The following RAPH1 variants were observed in gnomAD, a reference collection of about 807,000 sequenced individuals.
RAPH1 encodes ras-associated and pleckstrin homology domains-containing protein 1.
RAPH1 carries 18 observed loss-of-function variants against 88.1 expected under a neutral mutation model. The observed-to-expected ratio is 0.20, with a 90% confidence interval of 0.14 to 0.30. RAPH1 has a LOEUF of 0.30. Ranked by LOEUF, RAPH1 falls within the 10% of genes least tolerant of loss-of-function variation. RAPH1 has a pLI of 1.00. For missense variants in RAPH1, 1,448 were observed against 1,543.2 expected (o/e 0.94, Z 1.03); for synonymous variants, 587 against 559.0 (o/e 1.05, Z -0.71).
At chr2:203,465,205 C>A (rs981357840) in intron 4 of RAPH1, among the ~76,000 whole-genome samples, 1 of 152,196 alleles carries the variant, frequency 6.6e-6, no homozygotes, top group African/African-American at 2.4e-5. Context: ...ATGTTTATAG[C>A]AACCTTATTC....
chr2:203,464,684 G>A lies in RAPH1; in HGVS notation c.733-2759C>T, dbSNP rs1045838721. On this transcript the variant is annotated intron_variant, in intron 4 of 13. Coordinates refer to ENST00000319170, the MANE Select transcript of RAPH1 (RefSeq NM_213589.3). Reference sequence around the variant, plus strand: ...GCTGAACATATTTCTGAGAAAAAAGGAATATTCAAGAGAATGAGAAGACAA... The same window carrying A: ...GCTGAACATATTTCTGAGAAAAAAGAAATATTCAAGAGAATGAGAAGACAA... Among the ~76,000 whole-genome samples, 9 of 152,052 alleles carry A rather than the reference G, an allele frequency of 5.9e-5. No homozygotes were observed. The South Asian group carries it at 1.9e-3, about 31-fold the overall frequency.
intron 1 of RAPH1, among the ~76,000 whole-genome samples, chr2:203,526,648 C>T (rs553665911): frequency 1.7e-4 from 25 of 147,184 alleles, no homozygotes; most frequent in Non-Finnish European, 3.0e-4. Context: ...TCACTTGAAC[C>T]CAGAAGGCAG....
Position 203,440,843 on chromosome 2 carries a change from C to G in RAPH1, c.2347G>C (p.Val783Leu). The G allele has an allele frequency of 8.6e-7, 1 of 1,164,882 alleles. No individual in the cohort carries two copies. The highest frequency in any genetic ancestry group is 1.1e-6 in the Non-Finnish European group (1 of 873,004). The allele number at this position is 1,164,882 out of a possible 1,614,324, so 72.2% of individuals were successfully genotyped here. A position where few individuals can be genotyped will look rare whatever the true frequency, so the allele number is the denominator to read the frequency against. ...LPPQAPPKPL[V>L]TIPAPTSTKT... is the part of the protein sequence containing the mutation. ...GTGCTGGTTGGTGCGGGGATGGTCA[C>G]AAGGGGTTTTGGGGGAGCTTGGGGA... The change falls in exon 14 of 14, where the codon GTG (valine) becomes CTG (leucine). Residue 783 changes from valine (V) to leucine (L), a missense_variant. Val to Leu is a conservative substitution (Grantham distance 32). This residue lies in a region of RAPH1 where 935 missense variants were observed against 890.1 expected (regional missense o/e 1.05). Coordinates refer to ENST00000319170, the MANE Select transcript of RAPH1 (RefSeq NM_213589.3).
At chr2:203,501,863 T>G (rs1688753561) in intron 1 of RAPH1, among the ~76,000 whole-genome samples, 1 of 149,042 alleles carries the variant, frequency 6.7e-6, no homozygotes, top group South Asian at 2.1e-4. Flanking sequence ...ATTCTGTAAC[T>G]TCAAAGAACA....
At chr2:203,477,555 G>GCTTCCCT (rs1484409031) in intron 4 of RAPH1, among the ~76,000 whole-genome samples, 2 of 152,020 alleles carry the variant, frequency 1.3e-5, no homozygotes, top group African/African-American at 4.8e-5. Context: ...CAAGCTTCTA[G>GCTTCCCT]CTTCCCTCTT....
chr2:203,478,597 T>C lies in RAPH1; in HGVS notation c.732+10987A>G, dbSNP rs998005955. ...CTCTGCCTTCCAGGTTCAAGCAATT[T>C]TCCTGCCTCAGCCTCCTGAGTAGCT... On this transcript the variant is annotated intron_variant, in intron 4 of 13. Coordinates refer to ENST00000319170, the MANE Select transcript of RAPH1 (RefSeq NM_213589.3). Among the ~76,000 whole-genome samples, 3 of 151,664 alleles carry C rather than the reference T, an allele frequency of 2.0e-5. No individual in the cohort carries two copies. In the East Asian group the frequency reaches 5.8e-4, roughly 29 times the overall value.
At chr2:203,467,619 A>T (rs1442004224) in intron 4 of RAPH1, among the ~76,000 whole-genome samples, 7 of 152,012 alleles carry the variant, frequency 4.6e-5, no homozygotes, top group Admixed American at 2.0e-4. Flanking sequence ...TAAAAATTTT[A>T]AAAATTCGCT....
chr2:203,440,865 G>A lies in RAPH1; in HGVS notation c.2325C>T (p.Pro775=). ...TCACAAGGGGTTTTGGGGGAGCTTG[G>A]GGAGGGAGGGGTGCAGGGATAGGAG... is the stretch of plus-strand genomic sequence containing the variant. The part of the protein sequence containing the change: ...PPPPIPAPLP[P]QAPPKPLVTI... The change falls in exon 14 of 14, where the codon CCC becomes CCT. Residue 775 remains proline, a synonymous_variant. Transcript: ENST00000319170. 6.6e-7 allele frequency: 1 copy of A among 1,504,052 alleles called. No homozygotes were observed. The highest frequency in any genetic ancestry group is 9.1e-7 in the Non-Finnish European group (1 of 1,104,792). 93.2% of individuals were successfully genotyped at this position (1,504,052 alleles called of 1,614,324 possible).
In RAPH1 at chr2:203,435,222, A is replaced by G. The variant is rs550744051; in HGVS notation, c.*4215T>C. The G allele has an allele frequency of 1.3e-5, 2 of 152,140 alleles. No homozygotes were observed. The highest frequency in any genetic ancestry group is 1.3e-4 in the Admixed American group (2 of 15,262). The allele number at this position is 152,140 out of a possible 1,614,324, so 9.4% of individuals were successfully genotyped here. Reference sequence around the variant, plus strand: ...TTATTTGAGGGATAAAGGTGTAGAAATTTTCTCTTTGAATTTTATAAGGAA... The same window carrying G: ...TTATTTGAGGGATAAAGGTGTAGAAGTTTTCTCTTTGAATTTTATAAGGAA... On this transcript the variant is annotated 3_prime_UTR_variant, in exon 14 of 14. Coordinates refer to ENST00000319170, the MANE Select transcript of RAPH1 (RefSeq NM_213589.3).
intron 1 of RAPH1, among the ~76,000 whole-genome samples, chr2:203,529,005 A>ATATATATATATATATTTTTTTTT (rs1553633903): frequency 2.4e-5 from 1 of 41,150 alleles, no homozygotes; most frequent in African/African-American, 1.2e-4. Flanking sequence ...ATATATATAT[A>ATATATATATATATATTTTTTTTT]TTTTTTTTTT....
At chr2:203,469,318 T>C (rs1236121376) in intron 4 of RAPH1, among the ~76,000 whole-genome samples, 1 of 152,204 alleles carries the variant, frequency 6.6e-6, no homozygotes, top group Non-Finnish European at 1.5e-5. Context: ...CCACCAGTCA[T>C]AGATCTGCTT....
At chr2:203,441,725 G>T in intron 13 of RAPH1, 2 of 1,296,376 alleles carry the variant, frequency 1.5e-6, no homozygotes, top group Non-Finnish European at 1.9e-6. Context: ...TCTGACCTTG[G>T]CTGTATGACT....
chr2:203,506,588 T>G (rs1689010703), intron 1 of RAPH1, among the ~76,000 whole-genome samples: 1 of 149,486 alleles, frequency 6.7e-6, no homozygotes, highest in South Asian at 2.1e-4. Context: ...TGGCAAAAAG[T>G]CCTCAATTAA....
intron 13 of RAPH1, 105 bp from the exon 14 acceptor site, chr2:203,441,518 G>A (rs2098504130): frequency 7.1e-7 from 1 of 1,416,792 alleles, no homozygotes; most frequent in African/African-American, 1.4e-5. Context: ...GGGAGTCTGG[G>A]ACATGCATGA....
intron 2 of RAPH1, among the ~76,000 whole-genome samples, chr2:203,494,723 G>A (rs1688433489): frequency 6.6e-6 from 1 of 151,378 alleles, no homozygotes; most frequent in South Asian, 2.1e-4. Context: ...GCAGGAGAAT[G>A]GCGTGAACCC....
chr2:203,479,979 C>A (rs1687648127), intron 4 of RAPH1, among the ~76,000 whole-genome samples: 1 of 149,192 alleles, frequency 6.7e-6, no homozygotes, highest in Non-Finnish European at 1.5e-5. Context: ...TCCAGTGAGT[C>A]TCCCATGGGG....
intron 4 of RAPH1, among the ~76,000 whole-genome samples, chr2:203,471,636 G>A (rs1026545488): frequency 6.6e-6 from 1 of 151,680 alleles, no homozygotes; most frequent in Non-Finnish European, 1.5e-5. Flanking sequence ...GTACATACAC[G>A]GTCATAGATA....
At chr2:203,481,991 T>C (rs574147314) in intron 4 of RAPH1, among the ~76,000 whole-genome samples, 22 of 143,528 alleles carry the variant, frequency 1.5e-4, no homozygotes, top group African/African-American at 5.4e-4. Flanking sequence ...AACCTAAAGA[T>C]GCTTTTTACT....
At chr2:203,515,308 T>C (rs1305247491) in intron 1 of RAPH1, among the ~76,000 whole-genome samples, 2 of 152,248 alleles carry the variant, frequency 1.3e-5, no homozygotes, top group Non-Finnish European at 2.9e-5. Context: ...CAAGTTCTGT[T>C]TGACGGTATA....
Sources: allele counts gnomAD v4.1 joint callset (sites outside exome capture counted in the v4.1 genomes callset), GRCh38; gene constraint gnomAD v4.1.1; regional missense constraint gnomAD v4.1.1; transcripts MANE v1.5; gene names NCBI Gene and HGNC (gene_info 2026-07-23, HGNC 2026-07-21).